The following CAST variants were observed in gnomAD, a reference collection of about 807,000 sequenced individuals.
CAST encodes the protein MIR583 host.
Under a neutral mutation model 119.6 loss-of-function variants are expected in CAST, and 76 were observed. The ratio of observed to expected loss-of-function variants is 0.64; its 90% CI spans 0.53 to 0.77. The LOEUF is 0.77. Among genes scored for constraint, CAST ranks in the 30% least tolerant of loss-of-function variants. CAST has a pLI of 0.00. For missense variants in CAST, 953 were observed against 946.5 expected (o/e 1.01, Z -0.09); for synonymous variants, 319 against 331.6 (o/e 0.96, Z 0.41).
chr5:96,221,086 A>C, the CAST span, among the ~76,000 whole-genome samples: 1 of 152,082 alleles, frequency 6.6e-6, no homozygotes, highest in South Asian at 2.1e-4. Context: ...CCTGTTGTGG[A>C]TTGATTTGTA....
At chr5:96,147,506 G>C in the CAST span, among the ~76,000 whole-genome samples, 1 of 152,286 alleles carries the variant, frequency 6.6e-6, no homozygotes, top group South Asian at 2.1e-4. Context: ...AGGAGGCTGA[G>C]GCAGGAGAAT....
chr5:96,436,748 C>T, the CAST span, among the ~76,000 whole-genome samples: 1 of 152,132 alleles, frequency 6.6e-6, no homozygotes, highest in South Asian at 2.1e-4. Flanking sequence ...AAGTTACCAT[C>T]TACCAACTTT....
chr5:96,675,744 G>T (rs2150248417), intron 2 of CAST, 143 bp downstream of exon 2: 2 of 588,408 alleles, frequency 3.4e-6, no homozygotes, highest in East Asian at 2.9e-5. Flanking sequence ...TTTGGTTCAA[G>T]AATATAAAAG....
At chr5:95,985,461 G>A in the CAST span, among the ~76,000 whole-genome samples, 1 of 152,166 alleles carries the variant, frequency 6.6e-6, no homozygotes, top group Non-Finnish European at 1.5e-5. Context: ...TTCCAGAAGG[G>A]GGAAAAGAAT....
At chr5:96,299,003 G>A in the CAST span, among the ~76,000 whole-genome samples, 1 of 152,084 alleles carries the variant, frequency 6.6e-6, no homozygotes, top group African/African-American at 2.4e-5. Flanking sequence ...ACTTTGGGAG[G>A]CCGAGGCGGA....
At chr5:96,328,382 C>CCTCTCTCTCTCTCTCT in the CAST span, among the ~76,000 whole-genome samples, 1 of 18,932 alleles carries the variant, frequency 5.3e-5, no homozygotes, top group East Asian at 9.0e-4. Context: ...CTTCTCTCTC[C>CCTCTCTCTCTCTCTCT]CTCTCTCTCT....
chr5:96,242,457 TCACC>T, the CAST span, among the ~76,000 whole-genome samples: 1 of 152,190 alleles, frequency 6.6e-6, no homozygotes, highest in East Asian at 1.9e-4. Flanking sequence ...ATGCTGATGA[TCACC>T]CTCAGCAAAT....
chr5:96,175,571 G>A, the CAST span, among the ~76,000 whole-genome samples: 85 of 152,294 alleles, frequency 5.6e-4, no homozygotes, highest in Non-Finnish European at 1.0e-3. Context: ...GGTAAACAGG[G>A]CAATGGGCTA....
chr5:96,638,363 G>A (rs983036814), intron 1 of CAST, among the ~76,000 whole-genome samples: 5 of 152,194 alleles, frequency 3.3e-5, no homozygotes, highest in Non-Finnish European at 5.9e-5. Context: ...CCAAGATCAT[G>A]CCACTGCACT....
At chr5:96,282,103 A>G in the CAST span, among the ~76,000 whole-genome samples, 1 of 148,834 alleles carries the variant, frequency 6.7e-6, no homozygotes, top group East Asian at 2.1e-4. Flanking sequence ...ATGAGGGTAG[A>G]GCCGGAAAGG....
the CAST span, among the ~76,000 whole-genome samples, chr5:96,219,295 C>T: frequency 6.6e-6 from 1 of 152,186 alleles, no homozygotes; most frequent in Non-Finnish European, 1.5e-5. Context: ...TTCTATTATG[C>T]ATTCAGGAGC....
chr5:96,289,591 T>C, the CAST span, among the ~76,000 whole-genome samples: 2 of 152,276 alleles, frequency 1.3e-5, no homozygotes, highest in East Asian at 3.9e-4. Context: ...CTGCCATGAT[T>C]GTGTGGCCTC....
chr5:96,389,865 G>A, the CAST span, among the ~76,000 whole-genome samples: 1 of 152,146 alleles, frequency 6.6e-6, no homozygotes, highest in African/African-American at 2.4e-5. Context: ...AGCCTGGGAT[G>A]TGGAGGCTGC....
chr5:96,120,593 C>G, the CAST span, among the ~76,000 whole-genome samples: 1,296 of 150,608 alleles, frequency 8.6e-3, 17 homozygotes, highest in African/African-American at 0.029. Flanking sequence ...TGTCCCTTCC[C>G]CATCATCTCT....
intron 1 of CAST, among the ~76,000 whole-genome samples, chr5:96,547,446 G>A (rs1428077934): frequency 1.3e-5 from 2 of 152,288 alleles, no homozygotes; most frequent in African/African-American, 4.8e-5. Context: ...CCAGCTCAAG[G>A]AGAGAAAGAA....
intron 1 of CAST, among the ~76,000 whole-genome samples, chr5:96,538,672 A>T (rs1053375455): frequency 1.0e-5 from 1 of 95,774 alleles, no homozygotes; most frequent in African/African-American, 3.2e-5. Flanking sequence ...CTGTTTTTTT[A>T]AATTAAAAAA....
the CAST span, among the ~76,000 whole-genome samples, chr5:96,128,321 G>A: frequency 3.9e-5 from 6 of 151,976 alleles, no homozygotes; most frequent in African/African-American, 1.4e-4. Context: ...GTTTATTTTG[G>A]TTTTAACTAC....
the CAST span, among the ~76,000 whole-genome samples, chr5:96,084,921 C>A: frequency 6.6e-6 from 1 of 152,168 alleles, no homozygotes; most frequent in Non-Finnish European, 1.5e-5. Flanking sequence ...ACAACAAATG[C>A]CCATGCTCAC....
chr5:96,356,488 C>A, the CAST span, among the ~76,000 whole-genome samples: 60 of 152,200 alleles, frequency 3.9e-4, no homozygotes, highest in Middle Eastern at 3.4e-3. Context: ...AGTCTTTAAT[C>A]CATCTTGAGT....
Sources: gnomAD v4.1 joint callset for allele counts (sites outside exome capture counted in the v4.1 genomes callset) on GRCh38, gnomAD v4.1.1 for gene constraint, MANE v1.5 for transcripts, NCBI Gene and HGNC (gene_info 2026-07-23, HGNC 2026-07-21) for gene names.